Variants in PLCL2 observed in about 807,000 individuals in gnomAD.
PLCL2 encodes the protein inactive phospholipase C-like protein 2.
PLCL2 carries 4 observed loss-of-function variants against 79.6 expected under a neutral mutation model. That is an observed-to-expected ratio of 0.05 (90% CI 0.02 to 0.11). PLCL2 has a LOEUF of 0.11. PLCL2 is among the 10% of genes least tolerant of loss of function. The pLI is 1.00. For synonymous variants in PLCL2, 484 were observed against 457.7 expected, an observed-to-expected ratio of 1.06 and a Z score of -0.73; for missense variants, 895 against 1,291.0, an observed-to-expected ratio of 0.69 and a Z score of 4.70.
chr3:17,064,093 A>G (rs1194931901), intron 4 of PLCL2, among the ~76,000 whole-genome samples: 1 of 152,236 alleles, frequency 6.6e-6, no homozygotes, highest in Admixed American at 6.5e-5. Context: ...TGCTGAAAAT[A>G]ATTTGAAAAA....
In PLCL2 at chr3:17,011,230, T is replaced by A. The variant is rs1478036406; in HGVS notation, c.1884T>A (p.Val628=). The part of the protein sequence containing the change: ...LSELVSICKS[V]QFKEFQVSFQ... ...AACTGGTCAGCATCTGCAAATCAGT[T>A]CAGTTCAAAGAATTTCAGGTGTCGT... The change falls in exon 2 of 6, where the codon GTT becomes GTA. Residue 628 remains valine (V), a synonymous_variant. Coordinates refer to ENST00000615277, the MANE Select transcript of PLCL2 (RefSeq NM_001144382.2). This position sits in a 1 kb window ranked among gnomAD's most constrained non-coding sequence, Gnocchi z 7.9. 1.4e-5 allele frequency: 23 copies of A among 1,614,212 alleles called. No homozygotes were observed. The highest frequency in any genetic ancestry group is 1.9e-5 in the Non-Finnish European group (23 of 1,180,014).
rs61641764 is a variant in PLCL2 at position 16,995,253 on chromosome 3, C to G, written c.328-14421C>G. Among the ~76,000 whole-genome samples, 455 of 152,362 alleles carry G rather than the reference C, an allele frequency of 3.0e-3. 4 individuals are homozygous for G. The highest frequency in any genetic ancestry group is 0.01 in the African/African-American group (435 of 41,586). On this transcript the variant is annotated intron_variant, in intron 1 of 5. Transcript: ENST00000615277. Reference sequence around the variant, plus strand: ...AAGGCAGAAACAAAATAAATGCCTACATGTATAAGCTGGTGATTCTTAGTG... The same window carrying G: ...AAGGCAGAAACAAAATAAATGCCTAGATGTATAAGCTGGTGATTCTTAGTG...
At chr3:17,014,944 G>A (rs1228931644) in intron 3 of PLCL2, 33 bp downstream of exon 3, 1 of 1,545,408 alleles carries the variant, frequency 6.5e-7, no homozygotes, top group East Asian at 2.2e-5. Context: ...ACATAGCCTG[G>A]GTGAGAGAGA....
chr3:16,903,905 T>G (rs1253887512), intron 1 of PLCL2, among the ~76,000 whole-genome samples: 1 of 152,248 alleles, frequency 6.6e-6, no homozygotes, highest in Admixed American at 6.5e-5. Context: ...AGCCTGCACC[T>G]GGGTGAGCCC....
chr3:16,914,194 G>A (rs924125607), intron 1 of PLCL2, among the ~76,000 whole-genome samples: 4 of 152,178 alleles, frequency 2.6e-5, no homozygotes, highest in African/African-American at 9.7e-5. Context: ...TAGTTGGAGA[G>A]AAAATTAAGG....
chr3:16,914,168 T>C (rs1442711200), intron 1 of PLCL2, among the ~76,000 whole-genome samples: 1 of 152,158 alleles, frequency 6.6e-6, no homozygotes, highest in Non-Finnish European at 1.5e-5. Flanking sequence ...TAGTTATGAG[T>C]TGTGGAGAGA....
Position 16,946,301 on chromosome 3 carries a change from C to T in PLCL2, c.327+60935C>T, listed in dbSNP as rs182717857. Among the ~76,000 whole-genome samples the T allele has an allele frequency of 3.9e-5, 6 of 152,124 alleles. No homozygotes were observed. The East Asian group carries it at 1.2e-3, about 29-fold the overall frequency. On this transcript the variant is annotated intron_variant, in intron 1 of 5. Transcript: ENST00000615277. ...GCTTCATTGGGCCTAGCGGACGCTT[C>T]GGAATTCCACAGAAGAGAGTTTCCA... is the stretch of plus-strand genomic sequence containing the variant.
rs192559365 is a variant in PLCL2, at chr3:16,987,524, A to C, written c.328-22150A>C. On this transcript the variant is annotated intron_variant, in intron 1 of 5. Coordinates refer to ENST00000615277, the MANE Select transcript of PLCL2 (RefSeq NM_001144382.2). The stretch of plus-strand genomic sequence containing the variant: ...TTTACAACATTGTTGAATTACTGAA[A>C]AATACGTGACATTTATTAATACAGG... 1.9e-4 allele frequency among the ~76,000 whole-genome samples: 29 copies of C among 152,266 alleles called. No homozygotes were observed. The East Asian group carries it at 5.6e-3, about 29-fold the overall frequency.
intron 1 of PLCL2, among the ~76,000 whole-genome samples, chr3:17,008,232 C>T (rs971239584): frequency 5.3e-5 from 8 of 151,082 alleles, no homozygotes; most frequent in East Asian, 1.9e-4. Flanking sequence ...TCCAACTCTA[C>T]GATTTTAGGA....
chr3:16,942,067 C>T (rs2063553030), intron 1 of PLCL2, among the ~76,000 whole-genome samples: 2 of 152,044 alleles, frequency 1.3e-5, no homozygotes, highest in African/African-American at 4.8e-5. Context: ...GAGGAGAAAC[C>T]GTGAAGTATG....
chr3:16,933,971 G>A (rs59711766), intron 1 of PLCL2, among the ~76,000 whole-genome samples: 2,369 of 152,218 alleles, frequency 0.016, 62 homozygotes, highest in African/African-American at 0.053. Flanking sequence ...GGAGGCGGAG[G>A]CAGGAGAATC....
intron 5 of PLCL2, among the ~76,000 whole-genome samples, chr3:17,077,121 C>G (rs1019657932): frequency 2.6e-5 from 4 of 152,170 alleles, no homozygotes; most frequent in African/African-American, 4.8e-5. Flanking sequence ...TTTGAGTTCC[C>G]CTTTCCTGCA....
rs1697137142 is a variant in PLCL2, at chr3:16,922,090, T to TA, written c.327+36725dup. On this transcript the variant is annotated intron_variant, in intron 1 of 5. Coordinates refer to ENST00000615277, the MANE Select transcript of PLCL2 (RefSeq NM_001144382.2). ...AGGAAAATTTATACTTTTTAATAGTTATGAACTTTTAAAATTCGTATGAAG... is the reference window on the plus strand; with the variant it reads ...AGGAAAATTTATACTTTTTAATAGTTAATGAACTTTTAAAATTCGTATGAAG... Among the ~76,000 whole-genome samples the TA allele has an allele frequency of 2.6e-5, 4 of 152,174 alleles. No individual in the cohort carries two copies. The South Asian group carries it at 8.3e-4, about 32-fold the overall frequency.
chr3:17,066,965 C>T (rs573165899), intron 4 of PLCL2, among the ~76,000 whole-genome samples: 2 of 152,030 alleles, frequency 1.3e-5, no homozygotes, highest in Non-Finnish European at 2.9e-5. Flanking sequence ...CTGAATTCAC[C>T]TTGATATGTA....
At chr3:17,014,970 C>A in intron 3 of PLCL2, 59 bp downstream of exon 3, 1 of 1,348,746 alleles carries the variant, frequency 7.4e-7, no homozygotes, top group Non-Finnish European at 1.1e-6. Flanking sequence ...TAAGACAACA[C>A]AGCAGACATA....
chr3:16,891,293 C>T (rs1186013776), intron 1 of PLCL2, among the ~76,000 whole-genome samples: 1 of 152,184 alleles, frequency 6.6e-6, no homozygotes, highest in Admixed American at 6.5e-5. Context: ...AAAACCTCCT[C>T]TCATAGCATT....
chr3:17,081,828 A>G (rs569917984), intron 5 of PLCL2, among the ~76,000 whole-genome samples: 1 of 152,354 alleles, frequency 6.6e-6, no homozygotes, highest in African/African-American at 2.4e-5. Flanking sequence ...CCTTAGTTAC[A>G]TCTTTTAAAG....
intron 3 of PLCL2, among the ~76,000 whole-genome samples, chr3:17,039,701 C>T (rs2064699393): frequency 1.3e-5 from 2 of 152,304 alleles, no homozygotes; most frequent in South Asian, 4.1e-4. Flanking sequence ...CTACCTTCTC[C>T]TAGGCTGGTT....
intron 3 of PLCL2, among the ~76,000 whole-genome samples, chr3:17,041,555 TATG>T (rs1203620980): frequency 1.3e-5 from 2 of 152,192 alleles, no homozygotes; most frequent in African/African-American, 4.8e-5. Flanking sequence ...TTACCAAAAA[TATG>T]GTGGTTTTTG....
Sources: allele counts gnomAD v4.1 joint callset (sites outside exome capture counted in the v4.1 genomes callset), GRCh38; gene constraint gnomAD v4.1.1; non-coding constraint Gnocchi (gnomAD v3.1); transcripts MANE v1.5; gene names NCBI Gene and HGNC (gene_info 2026-07-23, HGNC 2026-07-21).